RASGRP3: variants seen among roughly 807,000 people sequenced by gnomAD.
RASGRP3 encodes the protein ras guanyl-releasing protein 3.
In RASGRP3, 54 loss-of-function variants were observed where a neutral mutation model predicts 82.7. That is an observed-to-expected ratio of 0.65 (90% CI 0.52 to 0.82). RASGRP3 has a LOEUF of 0.82. Among genes scored for constraint, RASGRP3 ranks in the 40% least tolerant of loss-of-function variants. The pLI is 0.00. For synonymous variants in RASGRP3, 309 were observed against 300.5 expected (o/e 1.03, Z -0.29); for missense variants, 861 against 828.9 (o/e 1.04, Z -0.48).
At chr2:33,515,517 ATAGTACCATTCC>A (rs1448337913) in intron 3 of RASGRP3, among the ~76,000 whole-genome samples, 1 of 152,202 alleles carries the variant, frequency 6.6e-6, no homozygotes, top group Non-Finnish European at 1.5e-5. Flanking sequence ...TCAGATGTTC[ATAGTACCATTCC>A]TAGTCTTCTT....
chr2:33,441,838 C>T (rs1314081704), intron 1 of RASGRP3, among the ~76,000 whole-genome samples: 1 of 152,108 alleles, frequency 6.6e-6, no homozygotes. Flanking sequence ...TTAAAAACAT[C>T]ATAAATTGAG....
intron 1 of RASGRP3, among the ~76,000 whole-genome samples, chr2:33,507,636 C>T (rs568114564): frequency 2.6e-5 from 4 of 152,330 alleles, no homozygotes; most frequent in African/African-American, 9.6e-5. Context: ...GGCGATTCTC[C>T]TGCCTCAGCC....
intron 3 of RASGRP3, among the ~76,000 whole-genome samples, 180 bp from the exon 4 acceptor site, chr2:33,516,362 A>C (rs1671467889): frequency 2.0e-5 from 3 of 152,210 alleles, no homozygotes; most frequent in African/African-American, 7.2e-5. Context: ...AGCCGAGATC[A>C]TGCCAGTGCA....
intron 14 of RASGRP3, among the ~76,000 whole-genome samples, chr2:33,554,893 C>T (rs1377976440): frequency 6.6e-6 from 1 of 152,210 alleles, no homozygotes; most frequent in Non-Finnish European, 1.5e-5. Flanking sequence ...CCTCACATCT[C>T]CCCTCAGGGA....
At chr2:33,538,995 C>T (rs1673943085) in intron 11 of RASGRP3, 99 bp from the exon 12 acceptor site, 4 of 794,872 alleles carry the variant, frequency 5.0e-6, no homozygotes, top group Non-Finnish European at 4.0e-6. Context: ...GCCGAAATTA[C>T]ACCACTGCAC....
At chr2:33,501,762 T>C (rs1669896756) in intron 1 of RASGRP3, among the ~76,000 whole-genome samples, 1 of 152,186 alleles carries the variant, frequency 6.6e-6, no homozygotes, top group South Asian at 2.1e-4. Context: ...GTTGGCAGTT[T>C]AGAGGCCAGC....
At chr2:33,506,248 G>C (rs1670364035) in intron 1 of RASGRP3, among the ~76,000 whole-genome samples, 1 of 152,226 alleles carries the variant, frequency 6.6e-6, no homozygotes, top group Non-Finnish European at 1.5e-5. Flanking sequence ...ACAAACCTTT[G>C]TTCTGGACAA....
chr2:33,539,381 G>A (rs956594758), intron 12 of RASGRP3, 171 bp downstream of exon 12: 4 of 563,002 alleles, frequency 7.1e-6, no homozygotes, highest in East Asian at 3.0e-5. Flanking sequence ...GGGGAGAGTC[G>A]ATCAGAAAGG....
At chr2:33,504,134 C>T in intron 1 of RASGRP3, among the ~76,000 whole-genome samples, 1 of 152,158 alleles carries the variant, frequency 6.6e-6, no homozygotes, top group African/African-American at 2.4e-5. Context: ...TATGTCTATC[C>T]TATGCCTAAT....
At chr2:33,494,668 T>C (rs1669155121) in intron 1 of RASGRP3, among the ~76,000 whole-genome samples, 2 of 152,204 alleles carry the variant, frequency 1.3e-5, no homozygotes, top group African/African-American at 4.8e-5. Context: ...GTACATATTT[T>C]TTTCTCAGGT....
At chr2:33,544,434 A>C (rs921400193) in intron 13 of RASGRP3, among the ~76,000 whole-genome samples, 2 of 152,214 alleles carry the variant, frequency 1.3e-5, no homozygotes, top group Admixed American at 6.5e-5. Context: ...AAGAAAAAAT[A>C]TATTGCTTTT....
chr2:33,550,431 C>T lies in RASGRP3; in HGVS notation c.1542+680C>T, dbSNP rs1574486401. 5.3e-5 allele frequency among the ~76,000 whole-genome samples: 8 copies of T among 152,182 alleles called. No individual in the cohort carries two copies. In the South Asian group the frequency reaches 1.7e-3, roughly 32 times the overall value. On this transcript the variant is annotated intron_variant, in intron 14 of 17. Coordinates refer to ENST00000403687, the MANE Select transcript of RASGRP3 (RefSeq NM_001139488.2). ...GACACAGGTGTACTGACTGTCAGCC[C>T]TGTGCTTCACCTACACCACTGCAAC...
chr2:33,510,400 G>A (rs1670816634), intron 1 of RASGRP3, among the ~76,000 whole-genome samples: 1 of 152,178 alleles, frequency 6.6e-6, no homozygotes, highest in Non-Finnish European at 1.5e-5. Context: ...TACCGTCTGG[G>A]AATTTAGTCT....
At chr2:33,509,121 C>A (rs1388705812) in intron 1 of RASGRP3, among the ~76,000 whole-genome samples, 1 of 152,156 alleles carries the variant, frequency 6.6e-6, no homozygotes, top group Non-Finnish European at 1.5e-5. Context: ...GAAAATCAGG[C>A]AGGGTGTGGT....
chr2:33,522,740 T>C (rs1279467398), intron 7 of RASGRP3, among the ~76,000 whole-genome samples: 2 of 152,338 alleles, frequency 1.3e-5, no homozygotes, highest in African/African-American at 4.8e-5. Context: ...CTTTGCTTTG[T>C]CTCGCCAAGC....
chr2:33,512,500 A>G (rs963896846), intron 2 of RASGRP3, among the ~76,000 whole-genome samples: 4 of 152,238 alleles, frequency 2.6e-5, no homozygotes, highest in African/African-American at 4.8e-5. Flanking sequence ...GAGGAATCAG[A>G]GAAGTTCTGC....
intron 1 of RASGRP3, among the ~76,000 whole-genome samples, chr2:33,439,573 C>G (rs1665110565): frequency 1.3e-5 from 2 of 152,200 alleles, no homozygotes; most frequent in Admixed American, 6.5e-5. Flanking sequence ...GTGTATGAGA[C>G]TTAGTGCATG....
At chr2:33,485,377 A>G (rs566449051) in intron 1 of RASGRP3, among the ~76,000 whole-genome samples, 1 of 152,322 alleles carries the variant, frequency 6.6e-6, no homozygotes, top group South Asian at 2.1e-4. Flanking sequence ...TGCACCCTGC[A>G]GTCTTCTTTT....
At chr2:33,467,247 G>T (rs1489210919) in intron 2 of RASGRP3, among the ~76,000 whole-genome samples, 1 of 152,040 alleles carries the variant, frequency 6.6e-6, no homozygotes, top group Non-Finnish European at 1.5e-5. Flanking sequence ...ATATTGGTTT[G>T]TTTGATTCAG....
Sources: gnomAD v4.1 joint callset for allele counts (sites outside exome capture counted in the v4.1 genomes callset) on GRCh38, gnomAD v4.1.1 for gene constraint, MANE v1.5 for transcripts, NCBI Gene and HGNC (gene_info 2026-07-23, HGNC 2026-07-21) for gene names.